The following MRPS28 variants were observed in gnomAD, a reference collection of about 807,000 sequenced individuals.
MRPS28 encodes the protein small ribosomal subunit protein bS1m.
In MRPS28, 7 loss-of-function variants were observed where a neutral mutation model predicts 10.8. The ratio of observed to expected loss-of-function variants is 0.65; its 90% CI spans 0.37 to 1.22. The LOEUF is 1.22. MRPS28 is among the 50% of genes most tolerant of loss of function. The probability of loss-of-function intolerance (pLI) is 0.02; values close to 1 mark genes in which losing one functional copy is unlikely to be tolerated. For synonymous variants in MRPS28, 121 were observed against 93.3 expected, an observed-to-expected ratio of 1.30 and a Z score of -1.71; for missense variants, 265 against 232.9, an observed-to-expected ratio of 1.14 and a Z score of -0.90.
rs577931177 is a variant in MRPS28, at chr8:80,013,591, G to A, written c.214-10411C>T. On this transcript the variant is annotated intron_variant, in intron 1 of 2. Coordinates refer to ENST00000276585, the MANE Select transcript of MRPS28 (RefSeq NM_014018.3). The stretch of plus-strand genomic sequence containing the variant: ...GGAGGTTACGGTGAGCTGAGACTGC[G>A]CCATTGCACTCCAGCCTGGGCAAAA... 3.8e-5 allele frequency among the ~76,000 whole-genome samples: 5 copies of A among 132,056 alleles called. No homozygotes were observed. The East Asian group carries it at 6.6e-4, about 17-fold the overall frequency. 86.6% of individuals were successfully genotyped at this position (132,056 alleles called of 152,430 possible).
At chr8:80,014,741 T>G (rs545082758) in intron 1 of MRPS28, among the ~76,000 whole-genome samples, 10 of 152,288 alleles carry the variant, frequency 6.6e-5, no homozygotes, top group Admixed American at 5.2e-4. Context: ...AAAAATTAAT[T>G]TCTTATAGAC....
chr8:79,924,554 G>A (rs1810183661), intron 2 of MRPS28, among the ~76,000 whole-genome samples: 1 of 152,130 alleles, frequency 6.6e-6, no homozygotes, highest in Non-Finnish European at 1.5e-5. Context: ...ATCTTTTGCA[G>A]TTGGAAGACT....
chr8:80,006,240 G>C (rs539813301), intron 1 of MRPS28, among the ~76,000 whole-genome samples: 1 of 152,160 alleles, frequency 6.6e-6, no homozygotes, highest in African/African-American at 2.4e-5. Flanking sequence ...TGGAAGTAAA[G>C]CACTCCTCAG....
At chr8:79,973,127 G>C (rs1377884088) in intron 2 of MRPS28, among the ~76,000 whole-genome samples, 1 of 152,164 alleles carries the variant, frequency 6.6e-6, no homozygotes, top group African/African-American at 2.4e-5. Flanking sequence ...GTCCAAATGG[G>C]CTTATGATAA....
rs148782574 is a variant in MRPS28, at chr8:80,027,575, T to C, written c.213+2461A>G. On this transcript the variant is annotated intron_variant, in intron 1 of 2. Transcript: ENST00000276585. ...TAAATAACCTCATTAAGTCTGATTA[T>C]AGAGCCCAACTTTAGGAAGATAACT... Among the ~76,000 whole-genome samples the C allele has an allele frequency of 2.9e-3, 435 of 152,334 alleles. 1 individual carries two copies. Among genetic ancestry groups the C allele is most frequent in the Non-Finnish European group, 4.7e-3 (318 of 68,024 alleles).
intron 1 of MRPS28, among the ~76,000 whole-genome samples, chr8:80,014,524 C>A (rs1199021784): frequency 6.6e-6 from 1 of 152,168 alleles, no homozygotes; most frequent in Admixed American, 6.5e-5. Flanking sequence ...ATGGCTTGAA[C>A]CTTGGCTCTA....
At chr8:79,943,907 T>A (rs891293599) in intron 2 of MRPS28, among the ~76,000 whole-genome samples, 19 of 152,188 alleles carry the variant, frequency 1.2e-4, no homozygotes, top group African/African-American at 3.4e-4. Context: ...GATAGTGTGA[T>A]GTGAGCAAAA....
chr8:79,945,246 GA>G (rs1445327158), intron 2 of MRPS28, among the ~76,000 whole-genome samples: 6 of 152,216 alleles, frequency 3.9e-5, no homozygotes, highest in African/African-American at 1.4e-4. Flanking sequence ...TAACTATAGA[GA>G]GAGAACAACC....
intron 1 of MRPS28, among the ~76,000 whole-genome samples, chr8:80,007,872 C>T (rs1011159125): frequency 2.0e-5 from 3 of 152,080 alleles, no homozygotes; most frequent in Admixed American, 6.5e-5. Context: ...GATTCAATGC[C>T]ATCCCCATCA....
chr8:80,013,634 C>CAAAAAAATGAAAAAAAAAAAAAAA, intron 1 of MRPS28, among the ~76,000 whole-genome samples: 1 of 75,628 alleles, frequency 1.3e-5, no homozygotes, highest in Non-Finnish European at 2.5e-5. Flanking sequence ...GACTCCATCT[C>CAAAAAAATGAAAAAAAAAAAAAAA]AAAAAAAAAA....
rs966313682 is a variant in MRPS28 at position 79,958,538 on chromosome 8, G to T, written c.396-39390C>A. The stretch of plus-strand genomic sequence containing the variant: ...TGGTACACTAACAATTTTTTAAAAG[G>T]CATTTATTAAGAAAGAGAGTCACTA... On this transcript the variant is annotated intron_variant, in intron 2 of 2. Coordinates refer to ENST00000276585, the MANE Select transcript of MRPS28 (RefSeq NM_014018.3). 1.1e-5 allele frequency: 6 copies of T among 568,094 alleles called. No individual in the cohort carries two copies. The African/African-American group carries it at 1.2e-4, about 11-fold the overall frequency. 35.2% of individuals were successfully genotyped at this position (568,094 alleles called of 1,614,324 possible).
intron 2 of MRPS28, 71 bp from the exon 3 acceptor site, chr8:79,919,219 C>T (rs1810004198): frequency 8.5e-7 from 1 of 1,181,904 alleles, no homozygotes. Context: ...TTAATAACAA[C>T]AACCAAATTC....
intron 1 of MRPS28, among the ~76,000 whole-genome samples, chr8:80,024,797 CT>C (rs1281190444): frequency 6.6e-6 from 1 of 152,174 alleles, no homozygotes; most frequent in Non-Finnish European, 1.5e-5. Context: ...AAAATGGCCC[CT>C]TGTTCTTCAG....
chr8:80,002,944 C>T (rs540699654), intron 2 of MRPS28, 55 bp downstream of exon 2: 23 of 1,368,560 alleles, frequency 1.7e-5, no homozygotes, highest in East Asian at 1.5e-4. Flanking sequence ...AATACTTTTG[C>T]GCTATCCCAA....
chr8:79,951,027 AG>A (rs1807065029), intron 2 of MRPS28, among the ~76,000 whole-genome samples: 1 of 152,006 alleles, frequency 6.6e-6, no homozygotes, highest in African/African-American at 2.4e-5. Context: ...TTTTCAGGAG[AG>A]GCTGGCTGCA....
intron 2 of MRPS28, among the ~76,000 whole-genome samples, chr8:79,968,716 TAA>T (rs749304458): frequency 1.6e-4 from 22 of 135,186 alleles, no homozygotes; most frequent in Admixed American, 1.5e-4. Context: ...AGACTCTGTC[TAA>T]AAAAAAAAAA....
intron 2 of MRPS28, among the ~76,000 whole-genome samples, chr8:79,973,889 G>A (rs549463978): frequency 4.6e-5 from 7 of 150,634 alleles, no homozygotes; most frequent in Admixed American, 4.6e-4. Flanking sequence ...GCAGATACAA[G>A]TAGGTCGTGC....
intron 2 of MRPS28, among the ~76,000 whole-genome samples, chr8:79,942,921 G>A (rs1301145807): frequency 1.3e-5 from 2 of 152,144 alleles, no homozygotes; most frequent in African/African-American, 4.8e-5. Context: ...TTTAAAAAAA[G>A]GTTGAAGCAA....
chr8:80,002,423 G>A (rs944194978), intron 2 of MRPS28, among the ~76,000 whole-genome samples: 16 of 151,912 alleles, frequency 1.1e-4, no homozygotes, highest in Admixed American at 2.6e-4. Flanking sequence ...CTTCTATCTC[G>A]TTTACTATTG....
Sources: allele counts gnomAD v4.1 joint callset (sites outside exome capture counted in the v4.1 genomes callset), GRCh38; gene constraint gnomAD v4.1.1; transcripts MANE v1.5; gene names NCBI Gene and HGNC (gene_info 2026-07-23, HGNC 2026-07-21).